MUC5B: variants seen among roughly 807,000 people sequenced by gnomAD.
The protein encoded by MUC5B is mucin 5B, oligomeric mucus/gel-forming.
MUC5B carries 116 observed loss-of-function variants against 376.9 expected under a neutral mutation model. The ratio of observed to expected loss-of-function variants is 0.31; its 90% CI spans 0.26 to 0.36. MUC5B has a LOEUF of 0.36. MUC5B is among the 10% of genes least tolerant of loss of function. MUC5B has a pLI of 1.00. For synonymous variants in MUC5B, 3,517 were observed against 3,390.9 expected (o/e 1.04, Z -1.29); for missense variants, 7,165 against 7,769.9 (o/e 0.92, Z 2.93).
rs778144849 is a variant in MUC5B at position 1,242,255 on chromosome 11, A to C, written c.5375A>C (p.Glu1792Ala). The stretch of plus-strand genomic sequence containing the variant: ...TGTCAACCGAAGTGTGAGTGGACAG[A>C]GTGGTTTGACGTGGACTTCCCAACC... ...TRCQPKCEWT[E>A]WFDVDFPTSG... The change falls in exon 31 of 49, where the codon GAG (glutamate) becomes GCG (alanine). Residue 1792 changes from glutamate to alanine, a missense_variant. By Grantham distance (107) the Glu-to-Ala change is moderately radical. Around this residue, in one of 31 missense-constraint regions of MUC5B, gnomAD observed 897 missense variants for 779.6 expected, o/e 1.15. Transcript: ENST00000529681. 1.9e-6 allele frequency: 3 copies of C among 1,613,740 alleles called. No individual in the cohort carries two copies. Among genetic ancestry groups the C allele is most frequent in the Non-Finnish European group, 2.5e-6 (3 of 1,179,832 alleles).
At position 1,246,257 on chromosome 11, in the gene MUC5B, C is replaced by T. The variant is rs561995967; in HGVS notation, c.9377C>T (p.Ser3126Phe). 3.1e-6 allele frequency: 5 copies of T among 1,612,708 alleles called. No individual in the cohort carries two copies. Among genetic ancestry groups the T allele is most frequent in the African/African-American group, 2.7e-5 (2 of 74,668 alleles). ...TRATSSMSTP[S>F]STPGTTWILT... ...GCCACCAGTTCCATGTCCACCCCCT[C>T]CTCCACTCCGGGGACGACCTGGATC... is the stretch of plus-strand genomic sequence containing the variant. The change falls in exon 31 of 49, where the codon TCC (serine) becomes TTC (phenylalanine). Residue 3126 changes from serine to phenylalanine, a missense_variant. Transcript: ENST00000529681.
intron 35 of MUC5B, 21 bp downstream of exon 35, chr11:1,254,901 G>C (rs777653024): frequency 5.7e-6 from 9 of 1,579,392 alleles, no homozygotes; most frequent in Non-Finnish European, 6.9e-6. Flanking sequence ...GGCGGGTCCT[G>C]CCCCGGCCAG....
chr11:1,232,832 C>T (rs750062469), intron 17 of MUC5B, 62 bp downstream of exon 17: 2 of 1,505,976 alleles, frequency 1.3e-6, no homozygotes, highest in South Asian at 1.3e-5. Context: ...GGGACCCTGG[C>T]CGGCAGCAGC....
chr11:1,246,156 C>T lies in MUC5B; in HGVS notation c.9276C>T (p.Ser3092=), dbSNP rs376736723. 322 of 1,613,148 alleles carry T rather than the reference C, an allele frequency of 2.0e-4. No individual in the cohort carries two copies. The highest frequency in any genetic ancestry group is 2.7e-4 in the Non-Finnish European group (316 of 1,179,634). ...EQTTTPMATM[S]TIHPSSTPET... is the part of the protein sequence containing the mutation. ...CCACCACACCCATGGCCACCATGTC[C>T]ACAATCCACCCCTCCTCCACTCCGG... Residue 3092 remains serine (S), a synonymous_variant, in exon 31 of 49, where the codon TCC becomes TCT. Transcript: ENST00000529681.
At position 1,232,748 on chromosome 11, in the gene MUC5B, C is replaced by T. The variant is rs772985354; in HGVS notation, c.2043C>T (p.Ser681=). Residue 681 remains serine (S), a synonymous_variant, in exon 17 of 49, where the codon AGC becomes AGT. Transcript: ENST00000529681. ...GTGCCGCCAAGGGCGTACAGCTCAG[C>T]GACTGGAGGGACGGCGTCTGCAGTG... ...HACAAKGVQL[S]DWRDGVCTKY... The T allele has an allele frequency of 8.1e-6, 13 of 1,597,304 alleles. No individual in the cohort carries two copies. The highest frequency in any genetic ancestry group is 1.1e-5 in the South Asian group (1 of 89,356).
Position 1,233,960 on chromosome 11 carries a change from G to C in MUC5B, c.2377+112G>C, listed in dbSNP as rs1373063153. On this transcript the variant is annotated intron_variant, in intron 19 of 48. Coordinates refer to ENST00000529681, the MANE Select transcript of MUC5B (RefSeq NM_002458.3). ...CCCCACCTGAACCCTGCCGGGCCAG[G>C]TCAGTCCTCACCTGGGCTCTGCCAC... 13 of 1,155,586 alleles carry C rather than the reference G, an allele frequency of 1.1e-5. No homozygotes were observed. In the African/African-American group the frequency reaches 1.4e-4, roughly 12 times the overall value. 71.6% of individuals were successfully genotyped at this position (1,155,586 alleles called of 1,614,324 possible). A position where few individuals can be genotyped will look rare whatever the true frequency, so the allele number is the denominator to read the frequency against.
chr11:1,256,138 A>C lies in MUC5B; in HGVS notation c.16067-18A>C. ...CCCCCAACCCCTTGGCTTGTCTGAC[A>C]CCTCTCTGTGCCCACAGACCTCACC... On this transcript the variant is annotated intron_variant, in intron 37 of 48. Coordinates refer to ENST00000529681, the MANE Select transcript of MUC5B (RefSeq NM_002458.3). 2 of 722,624 alleles carry C rather than the reference A, an allele frequency of 2.8e-6. No homozygotes were observed. The highest frequency in any genetic ancestry group is 2.6e-6 in the Non-Finnish European group (1 of 388,874). The allele number at this position is 722,624 out of a possible 1,614,324, so 44.8% of individuals were successfully genotyped here.
rs776437354 is a variant in MUC5B at position 1,243,576 on chromosome 11, G to T, written c.6696G>T (p.Thr2232=). The change falls in exon 31 of 49, where the codon ACG becomes ACT. Residue 2232 remains threonine, a synonymous_variant. Transcript: ENST00000529681. The part of the protein sequence containing the change: ...LGTTHITEPS[T]VTSHTLAATT... The stretch of plus-strand genomic sequence containing the variant: ...CCACCCACATCACAGAGCCTTCCAC[G>T]GTGACTTCCCACACCCTAGCAGCAA... The T allele has an allele frequency of 1.2e-6, 2 of 1,607,576 alleles. No homozygotes were observed. Among genetic ancestry groups the T allele is most frequent in the African/African-American group, 2.7e-5 (2 of 74,010 alleles).
chr11:1,259,043 C>G lies in MUC5B; in HGVS notation c.16695C>G (p.Asn5565Lys). Residue 5565 changes from asparagine (N) to lysine (K), a missense_variant, in exon 44 of 49, where the codon AAC becomes AAG. Asn to Lys is a moderately conservative substitution (Grantham distance 94, BLOSUM62 0). Around this residue, in one of 31 missense-constraint regions of MUC5B, gnomAD observed 842 missense variants for 1,016.9 expected, o/e 0.83. Transcript: ENST00000529681. The stretch of plus-strand genomic sequence containing the variant: ...TGCAATGTCAGGAGGATGCCTGCAA[C>G]AATACTACCTGTCCCCAGGTGAGAC... Reference protein sequence around the residue: ...PTVQCQEDACNNTTCPQGFEY... With the variant: ...PTVQCQEDACKNTTCPQGFEY... 6.4e-7 allele frequency: 1 copy of G among 1,553,326 alleles called. No individual in the cohort carries two copies. Among genetic ancestry groups the G allele is most frequent in the Non-Finnish European group, 8.7e-7 (1 of 1,149,000 alleles).
intron 38 of MUC5B, 118 bp from the exon 39 acceptor site, chr11:1,256,551 CCG>C: frequency 4.2e-6 from 2 of 476,438 alleles, no homozygotes; most frequent in Non-Finnish European, 7.5e-6. Flanking sequence ...ACCCTGAGCC[CCG>C]CACTCCACCC....
chr11:1,242,295 C>A lies in MUC5B; in HGVS notation c.5415C>A (p.Gly1805=), dbSNP rs369279116. 6.2e-7 allele frequency: 1 copy of A among 1,613,826 alleles called. No homozygotes were observed. The highest frequency in any genetic ancestry group is 8.5e-7 in the Non-Finnish European group (1 of 1,179,864). ...ACTTCCCAACCTCAGGGGTTGCAGG[C>A]GGGGACATGGAAACTTTTGAAAACA... ...DVDFPTSGVA[G]GDMETFENIR... Residue 1805 remains glycine (G), a synonymous_variant, in exon 31 of 49, where the codon GGC becomes GGA. Coordinates refer to ENST00000529681, the MANE Select transcript of MUC5B (RefSeq NM_002458.3).
Position 1,250,095 on chromosome 11 carries a change from T to A in MUC5B, c.13215T>A (p.Thr4405=), listed in dbSNP as rs762488981. The part of the protein sequence containing the change: ...LTTAATTTAA[T]GPTATPSSTP... ...CAGCAGCCACTACAACTGCAGCCAC[T>A]GGCCCCACGGCCACCCCGTCCTCCA... Residue 4405 remains threonine (T), a synonymous_variant, in exon 31 of 49, where the codon ACT becomes ACA. Coordinates refer to ENST00000529681, the MANE Select transcript of MUC5B (RefSeq NM_002458.3). The A allele has an allele frequency of 6.3e-7, 1 of 1,593,138 alleles. No homozygotes were observed. The highest frequency in any genetic ancestry group is 2.3e-5 in the East Asian group (1 of 43,586).
In MUC5B at chr11:1,247,263, C is replaced by A. The variant is rs2133835623; in HGVS notation, c.10383C>A (p.Pro3461=). The A allele has an allele frequency of 6.2e-7, 1 of 1,612,218 alleles. No individual in the cohort carries two copies. Among genetic ancestry groups the A allele is most frequent in the Non-Finnish European group, 8.5e-7 (1 of 1,179,594 alleles). ...TATTHGRSLP[P]SSPHTVRTAW... ...CCACACACGGGCGGTCCCTGCCCCC[C>A]AGCAGTCCCCACACGGTGCGCACAG... The change falls in exon 31 of 49, where the codon CCC becomes CCA. Residue 3461 remains proline (P), a synonymous_variant. Transcript: ENST00000529681.
rs1243936109 is a variant in MUC5B at position 1,252,297 on chromosome 11, C to T, written c.14864-46C>T. On this transcript the variant is annotated intron_variant, in intron 31 of 48. Coordinates refer to ENST00000529681, the MANE Select transcript of MUC5B (RefSeq NM_002458.3). Reference sequence around the variant, plus strand: ...TTGCTCTCCCAGAACTCTGGCTTACCCATCTCTGGGAGTGGCTTATCTTTC... The same window carrying T: ...TTGCTCTCCCAGAACTCTGGCTTACTCATCTCTGGGAGTGGCTTATCTTTC... 3 of 1,504,054 alleles carry T rather than the reference C, an allele frequency of 2.0e-6. No homozygotes were observed. In the African/African-American group the frequency reaches 4.2e-5, roughly 21 times the overall value. The allele number at this position is 1,504,054 out of a possible 1,614,324, so 93.2% of individuals were successfully genotyped here.
Position 1,240,386 on chromosome 11 carries a change from C to A in MUC5B, c.3970+11C>A. 2 of 1,581,530 alleles carry A rather than the reference C, an allele frequency of 1.3e-6. No individual in the cohort carries two copies. The highest frequency in any genetic ancestry group is 1.2e-5 in the South Asian group (1 of 86,206). On this transcript the variant is annotated intron_variant, in intron 30 of 48. Transcript: ENST00000529681. ...CCCACTCCACGACAAGTAAGCCCTG[C>A]CTGGCTCTCCTGAGGCCCAGTACCG...
In MUC5B at chr11:1,239,534, G is replaced by A; in HGVS notation, c.3551G>A (p.Gly1184Glu). 4 of 1,596,414 alleles carry A rather than the reference G, an allele frequency of 2.5e-6. No individual in the cohort carries two copies. In the South Asian group the frequency reaches 4.5e-5, roughly 18 times the overall value. Residue 1184 changes from glycine (G) to glutamate (E), a missense_variant, in exon 27 of 49, where the codon GGG becomes GAG. Gly to Glu is a moderately conservative substitution (Grantham distance 98). Around this residue, in one of 31 missense-constraint regions of MUC5B, gnomAD observed 517 missense variants for 545.3 expected, o/e 0.95. Coordinates refer to ENST00000529681, the MANE Select transcript of MUC5B (RefSeq NM_002458.3). Reference protein sequence around the residue: ...PCLKTCRNPSGHCLVDLPGLE... With the variant: ...PCLKTCRNPSEHCLVDLPGLE... The stretch of plus-strand genomic sequence containing the variant: ...CTAAAAACCTGCCGGAACCCCAGTG[G>A]GCACTGCCTGGTGGACCTGCCTGGC...
intron 29 of MUC5B, 36 bp downstream of exon 29, chr11:1,240,124 G>A (rs1323625040): frequency 4.5e-6 from 7 of 1,565,914 alleles, no homozygotes; most frequent in Non-Finnish European, 5.2e-6. Context: ...GGCCGGTGAA[G>A]GCTGGGGCCA....
At chr11:1,231,260 C>A (rs1313547041) in intron 13 of MUC5B, among the ~76,000 whole-genome samples, 163 bp from the exon 14 acceptor site, 10 of 152,190 alleles carry the variant, frequency 6.6e-5, no homozygotes, top group Admixed American at 6.5e-4. Context: ...GCCCACTTGG[C>A]GGCCACAGGC....
In MUC5B at chr11:1,246,681, C is replaced by T. The variant is rs1862480792; in HGVS notation, c.9801C>T (p.Pro3267=). ...CGGCCACCATGTCCACAGCCACACC[C>T]TCCTCTACTCCAGAGACTGTCCACA... The part of the protein sequence containing the change: ...TPTATMSTAT[P]SSTPETVHTS... The change falls in exon 31 of 49, where the codon CCC becomes CCT. Residue 3267 remains proline, a synonymous_variant. Transcript: ENST00000529681. 4.3e-6 allele frequency: 7 copies of T among 1,610,196 alleles called. No homozygotes were observed. The highest frequency in any genetic ancestry group is 5.1e-6 in the Non-Finnish European group (6 of 1,177,194).
Sources: gnomAD v4.1 joint callset for allele counts (sites outside exome capture counted in the v4.1 genomes callset) on GRCh38, gnomAD v4.1.1 for gene constraint, gnomAD v4.1.1 regional missense constraint, MANE v1.5 for transcripts, NCBI Gene and HGNC (gene_info 2026-07-23, HGNC 2026-07-21) for gene names.